Variants in PPARG observed in about 807,000 individuals in gnomAD.
The protein encoded by PPARG is peroxisome proliferator activated receptor gamma.
In PPARG, 17 loss-of-function variants were observed where a neutral mutation model predicts 39.2. The observed-to-expected ratio is 0.43, with a 90% CI of 0.30 to 0.65. PPARG has a LOEUF of 0.65. Ranked by LOEUF, PPARG falls within the 30% of genes least tolerant of loss-of-function variation. The probability of loss-of-function intolerance (pLI) is 0.13; values close to 1 mark genes in which losing one functional copy is unlikely to be tolerated. For synonymous variants in PPARG, 223 were observed against 215.7 expected, an observed-to-expected ratio of 1.03 and a Z score of -0.30; for missense variants, 406 against 585.9, an observed-to-expected ratio of 0.69 and a Z score of 3.17.
At chr3:12,358,986 A>G (rs1354297627) in intron 2 of PPARG, among the ~76,000 whole-genome samples, 1 of 152,208 alleles carries the variant, frequency 6.6e-6, no homozygotes, top group Non-Finnish European at 1.5e-5. Context: ...GATCATCCCA[A>G]TGGCTCCACA....
chr3:12,420,143 C>T (rs2051212471), intron 7 of PPARG, among the ~76,000 whole-genome samples: 1 of 152,176 alleles, frequency 6.6e-6, no homozygotes. Flanking sequence ...TTCCTACCCA[C>T]ATATACGAAG....
At chr3:12,353,276 C>T (rs1575042689) in intron 2 of PPARG, among the ~76,000 whole-genome samples, 1 of 152,186 alleles carries the variant, frequency 6.6e-6, no homozygotes, top group Non-Finnish European at 1.5e-5. Context: ...TAATTTAACC[C>T]TTGTCTTATA....
intron 2 of PPARG, among the ~76,000 whole-genome samples, chr3:12,357,405 C>T (rs897998773): frequency 1.1e-4 from 16 of 152,126 alleles, no homozygotes; most frequent in Non-Finnish European, 2.2e-4. Flanking sequence ...GGACCCTCTT[C>T]CTCTGGCATT....
intron 2 of PPARG, chr3:12,351,818 C>T (rs4135303): frequency 3.2e-4 from 227 of 704,844 alleles, no homozygotes; most frequent in African/African-American, 3.2e-3. Flanking sequence ...TAGCTCGTTG[C>T]TATCGCGTTC....
intron 1 of PPARG, among the ~76,000 whole-genome samples, chr3:12,310,868 A>G (rs1013393483): frequency 4.8e-5 from 7 of 145,286 alleles, no homozygotes; most frequent in South Asian, 2.2e-4. Flanking sequence ...CTCATCTCTC[A>G]TGTGTTTTGC....
upstream of PPARG, chr3:12,287,845 CA>C (rs2046543361): frequency 7.8e-6 from 1 of 128,432 alleles, no homozygotes; most frequent in Admixed American, 7.3e-5. Flanking sequence ...CCCCCACCCC[CA>C]GCCGGCGCCC....
intron 2 of PPARG, among the ~76,000 whole-genome samples, chr3:12,373,553 A>G (rs1175202603): frequency 2.6e-5 from 4 of 152,204 alleles, no homozygotes; most frequent in African/African-American, 7.2e-5. Flanking sequence ...AGTCTTAACA[A>G]AACTAAACTA....
intron 2 of PPARG, among the ~76,000 whole-genome samples, chr3:12,350,624 A>G (rs776180280): frequency 5.9e-5 from 9 of 152,206 alleles, no homozygotes; most frequent in African/African-American, 9.6e-5. Context: ...CAAAAAGGGC[A>G]AAGGCCTTGA....
At chr3:12,338,766 A>G (rs955387056) in intron 2 of PPARG, among the ~76,000 whole-genome samples, 2 of 152,136 alleles carry the variant, frequency 1.3e-5, no homozygotes. Context: ...TCTAGTTTGA[A>G]CTTCAGTTAA....
intron 1 of PPARG, among the ~76,000 whole-genome samples, chr3:12,289,661 C>G (rs1042239572): frequency 1.3e-5 from 2 of 152,190 alleles, no homozygotes; most frequent in African/African-American, 4.8e-5. Flanking sequence ...TGATCGATTG[C>G]TGACTGAGAA....
rs1304026730 is a variant in PPARG at position 12,416,745 on chromosome 3, A to G, written c.771A>G (p.Glu257=). 2 of 1,614,092 alleles carry G rather than the reference A, an allele frequency of 1.2e-6. No homozygotes were observed. The highest frequency in any genetic ancestry group is 2.2e-5 in the South Asian group (2 of 91,074). ...ACATGAATTCCTTAATGATGGGAGAAGATAAAATCAAGTTCAAACACATCA... is the reference window on the plus strand; with the variant it reads ...ACATGAATTCCTTAATGATGGGAGAGGATAAAATCAAGTTCAAACACATCA... ...IYDMNSLMMG[E]DKIKFKHITP... Residue 257 remains glutamate, a synonymous_variant, in exon 7 of 8, where the codon GAA becomes GAG. Coordinates refer to ENST00000651735, the MANE Select transcript of PPARG (RefSeq NM_138711.6).
At position 12,348,147 on chromosome 3, in the gene PPARG, A is replaced by G. The variant is rs111769228; in HGVS notation, c.-8-31557A>G. On this transcript the variant is annotated intron_variant, in intron 2 of 7. Coordinates refer to ENST00000651735, the MANE Select transcript of PPARG (RefSeq NM_138711.6). ...AGCTTTCAAGAATAATGCAGGCTCC[A>G]AAGTATTTAATATTCTATATTATGG... Among the ~76,000 whole-genome samples the G allele has an allele frequency of 3.0e-3, 459 of 152,334 alleles. 1 individual carries two copies. The highest frequency in any genetic ancestry group is 6.8e-3 in the Middle Eastern group (2 of 294).
At chr3:12,400,102 C>G in intron 5 of PPARG, among the ~76,000 whole-genome samples, 1 of 152,054 alleles carries the variant, frequency 6.6e-6, no homozygotes, top group Non-Finnish European at 1.5e-5. Context: ...TAAGACATAG[C>G]CTTACTATTT....
intron 4 of PPARG, among the ~76,000 whole-genome samples, chr3:12,389,407 T>C (rs962964518): frequency 1.3e-5 from 2 of 152,134 alleles, no homozygotes; most frequent in Admixed American, 6.6e-5. Flanking sequence ...AAGAAATTCA[T>C]GCCCAAACAC....
At chr3:12,399,116 GCA>G (rs1236491340) in intron 5 of PPARG, among the ~76,000 whole-genome samples, 1 of 152,150 alleles carries the variant, frequency 6.6e-6, no homozygotes, top group Non-Finnish European at 1.5e-5. Context: ...CATCTGTGCA[GCA>G]CAGTGTTGCA....
intron 6 of PPARG, among the ~76,000 whole-genome samples, chr3:12,412,931 C>T (rs180972592): frequency 6.6e-6 from 1 of 152,136 alleles, no homozygotes; most frequent in African/African-American, 2.4e-5. Flanking sequence ...TAGCCCCCAA[C>T]TAGAAGTGTA....
At chr3:12,309,683 C>T (rs747485276) in intron 1 of PPARG, among the ~76,000 whole-genome samples, 3 of 152,154 alleles carry the variant, frequency 2.0e-5, no homozygotes, top group Non-Finnish European at 4.4e-5. Context: ...GATAAGTTTT[C>T]AATTATTTCC....
intron 7 of PPARG, among the ~76,000 whole-genome samples, chr3:12,420,353 A>T (rs985535772): frequency 6.6e-6 from 1 of 152,304 alleles, no homozygotes; most frequent in South Asian, 2.1e-4. Flanking sequence ...CCTATTCCAG[A>T]TTTTCCATTC....
At chr3:12,331,563 C>G (rs897728400) in intron 2 of PPARG, among the ~76,000 whole-genome samples, 6 of 152,096 alleles carry the variant, frequency 3.9e-5, no homozygotes, top group African/African-American at 1.4e-4. Context: ...ATCATGCTGG[C>G]TGTAGTATGC....
Sources: allele counts gnomAD v4.1 joint callset (sites outside exome capture counted in the v4.1 genomes callset), GRCh38; gene constraint gnomAD v4.1.1; transcripts MANE v1.5; gene names NCBI Gene and HGNC (gene_info 2026-07-23, HGNC 2026-07-21).